Variants in SPIDR observed in about 807,000 individuals in gnomAD.
The protein encoded by SPIDR is DNA repair-scaffolding protein.
A neutral mutation model predicts 104.6 loss-of-function variants in SPIDR; 93 were observed. The observed-to-expected ratio is 0.89, with a 90% CI of 0.75 to 1.06. The LOEUF (loss-of-function observed/expected upper bound fraction) is 1.06, where lower values mean the gene tolerates loss of function less well. Among genes scored for constraint, SPIDR ranks in the 50% least tolerant of loss-of-function variants. SPIDR has a pLI of 0.00. For missense variants in SPIDR, 1,154 were observed against 1,111.2 expected, an observed-to-expected ratio of 1.04 and a Z score of -0.55; for synonymous variants, 431 against 416.9, an observed-to-expected ratio of 1.03 and a Z score of -0.41.
At chr8:47,538,228 C>G (rs2087315406) in intron 8 of SPIDR, among the ~76,000 whole-genome samples, 1 of 151,962 alleles carries the variant, frequency 6.6e-6, no homozygotes, top group Non-Finnish European at 1.5e-5. Flanking sequence ...AGAAGATTAA[C>G]TTTGGAAGGA....
At chr8:47,396,900 G>C (rs1283045272) in intron 6 of SPIDR, among the ~76,000 whole-genome samples, 4 of 152,142 alleles carry the variant, frequency 2.6e-5, no homozygotes, top group Non-Finnish European at 5.9e-5. Context: ...TTCTGTTCTT[G>C]AGTAACTTAT....
chr8:47,390,926 A>G (rs934510730), intron 5 of SPIDR, among the ~76,000 whole-genome samples: 4 of 152,156 alleles, frequency 2.6e-5, no homozygotes, highest in East Asian at 3.9e-4. Flanking sequence ...GCTTGAACCT[A>G]TGAACCTGCA....
intron 5 of SPIDR, among the ~76,000 whole-genome samples, chr8:47,319,190 C>A (rs1007298663): frequency 6.6e-6 from 1 of 152,132 alleles, no homozygotes; most frequent in Non-Finnish European, 1.5e-5. Flanking sequence ...GTGCGGTATT[C>A]AGGAAACCCA....
intron 5 of SPIDR, among the ~76,000 whole-genome samples, chr8:47,333,958 C>A (rs931528213): frequency 1.3e-5 from 2 of 152,312 alleles, no homozygotes; most frequent in African/African-American, 4.8e-5. Context: ...TTCACTACAT[C>A]CCACAAATTT....
chr8:47,428,247 A>G (rs1437215835), intron 7 of SPIDR, among the ~76,000 whole-genome samples: 1 of 152,182 alleles, frequency 6.6e-6, no homozygotes, highest in Admixed American at 6.5e-5. Context: ...TTCTATACAG[A>G]AAGTGGTGTG....
chr8:47,712,869 C>T lies in SPIDR; in HGVS notation c.2185C>T (p.Gln729Ter), dbSNP rs1439662865. Residue 729 changes from glutamine (Q) to a stop codon, truncating the protein, a stop_gained, in exon 15 of 20, where the codon CAG becomes TAG. Transcript: ENST00000297423. LOFTEE classifies it high-confidence loss of function. ...CTTCTTCAAGGACGCTCTCCGTGACCAGGGTGTGCTTGCGTCTCCACAGCT... is the reference window on the plus strand; with the variant it reads ...CTTCTTCAAGGACGCTCTCCGTGACTAGGGTGTGCTTGCGTCTCCACAGCT... ...SLFFKDALRD[Q>*]GRIVCAERTV... 6.2e-7 allele frequency: 1 copy of T among 1,613,904 alleles called. No homozygotes were observed. The highest frequency in any genetic ancestry group is 1.7e-5 in the Admixed American group (1 of 60,024).
chr8:47,640,508 G>A (rs1031917474), intron 10 of SPIDR, among the ~76,000 whole-genome samples: 1 of 152,308 alleles, frequency 6.6e-6, no homozygotes, highest in South Asian at 2.1e-4. Context: ...TATAAAAAGA[G>A]AGAGGGTGGC....
At chr8:47,557,747 T>A (rs988402266) in intron 8 of SPIDR, among the ~76,000 whole-genome samples, 2 of 152,190 alleles carry the variant, frequency 1.3e-5, no homozygotes, top group African/African-American at 4.8e-5. Context: ...TTCATGAACC[T>A]TTGGTATATC....
In SPIDR at chr8:47,260,943, G is replaced by C; in HGVS notation, c.-16G>C. The C allele has an allele frequency of 8.1e-7, 1 of 1,228,218 alleles. No individual in the cohort carries two copies. The highest frequency in any genetic ancestry group is 1.0e-6 in the Non-Finnish European group (1 of 985,452). 76.1% of individuals were successfully genotyped at this position (1,228,218 alleles called of 1,614,324 possible). ...GCGCGCTGAGGAGGCGGTGCGCTCA[G>C]GCGGCGCTCCCGGAGATGCCCCGCG... On this transcript the variant is annotated 5_prime_UTR_variant, in exon 1 of 20. Transcript: ENST00000297423.
chr8:47,448,547 A>T (rs574026126), intron 8 of SPIDR, among the ~76,000 whole-genome samples: 10 of 152,306 alleles, frequency 6.6e-5, no homozygotes, highest in Admixed American at 3.3e-4. Context: ...ATAAAAGACC[A>T]CTGTAGGCGT....
At chr8:47,678,641 G>A (rs2076730078) in intron 11 of SPIDR, among the ~76,000 whole-genome samples, 1 of 152,122 alleles carries the variant, frequency 6.6e-6, no homozygotes, top group Non-Finnish European at 1.5e-5. Flanking sequence ...GCTCTGGAGA[G>A]AACAGGAAAG....
In SPIDR at chr8:47,654,212, G is replaced by C. The variant is rs138045763; in HGVS notation, c.1545-19589G>C. On this transcript the variant is annotated intron_variant, in intron 10 of 19. Transcript: ENST00000297423. ...CACTGTAGCAGCAACCTGCAGGAGG[G>C]GTTAGAAGAAAGGAAAGAACAGGGT... The C allele has an allele frequency of 6.4e-3, 8,184 of 1,273,760 alleles. 41 individuals carry two copies. Among genetic ancestry groups the C allele is most frequent in the Non-Finnish European group, 7.6e-3 (7,423 of 974,414 alleles). The allele number at this position is 1,273,760 out of a possible 1,614,324, so 78.9% of individuals were successfully genotyped here. A position where few individuals can be genotyped will look rare whatever the true frequency, so the allele number is the denominator to read the frequency against.
chr8:47,523,341 T>C (rs979942381), intron 8 of SPIDR, among the ~76,000 whole-genome samples: 3 of 152,156 alleles, frequency 2.0e-5, no homozygotes, highest in African/African-American at 7.2e-5. Context: ...TCTAGTAGGA[T>C]TGTGGCCACA....
chr8:47,378,722 AT>A (rs2058972006), intron 5 of SPIDR, among the ~76,000 whole-genome samples: 1 of 152,182 alleles, frequency 6.6e-6, no homozygotes, highest in Non-Finnish European at 1.5e-5. Context: ...CTCAAGTTTG[AT>A]TATTTCAAAG....
At chr8:47,334,431 T>G (rs1257655675) in intron 5 of SPIDR, among the ~76,000 whole-genome samples, 1 of 152,244 alleles carries the variant, frequency 6.6e-6, no homozygotes, top group African/African-American at 2.4e-5. Flanking sequence ...TACTTTATGT[T>G]AACACTCTGT....
chr8:47,306,286 G>A (rs932890330), intron 5 of SPIDR, among the ~76,000 whole-genome samples: 15 of 151,858 alleles, frequency 9.9e-5, no homozygotes, highest in South Asian at 2.1e-4. Flanking sequence ...GATTATAGGC[G>A]CACGCCACCA....
chr8:47,586,493 A>G (rs1260216675), intron 8 of SPIDR, among the ~76,000 whole-genome samples: 1 of 152,208 alleles, frequency 6.6e-6, no homozygotes, highest in African/African-American at 2.4e-5. Flanking sequence ...AATGATGTAG[A>G]ACATCTTTCC....
At chr8:47,450,990 C>A (rs2071613042) in intron 8 of SPIDR, among the ~76,000 whole-genome samples, 1 of 152,098 alleles carries the variant, frequency 6.6e-6, no homozygotes, top group Non-Finnish European at 1.5e-5. Flanking sequence ...CTCAAATGTC[C>A]AATTCTCAAC....
intron 8 of SPIDR, chr8:47,512,030 C>A (rs1410037029): frequency 1.4e-6 from 1 of 726,070 alleles, no homozygotes; most frequent in Non-Finnish European, 2.5e-6. Context: ...TAAAAGCTCG[C>A]TAGCGCAATC....
Sources: allele counts gnomAD v4.1 joint callset (sites outside exome capture counted in the v4.1 genomes callset), GRCh38; gene constraint gnomAD v4.1.1; transcripts MANE v1.5; gene names NCBI Gene and HGNC (gene_info 2026-07-23, HGNC 2026-07-21).